The following PDE4B variants were observed in gnomAD, a reference collection of about 807,000 sequenced individuals.
PDE4B encodes 3',5'-cyclic-AMP phosphodiesterase 4B.
A neutral mutation model predicts 82.2 loss-of-function variants in PDE4B; 20 were observed. The ratio of observed to expected loss-of-function variants is 0.24; its 90% CI spans 0.17 to 0.35. PDE4B has a LOEUF of 0.35. PDE4B is among the 10% of genes least tolerant of loss of function. The pLI, the probability that PDE4B is intolerant of heterozygous loss-of-function variation, is 1.00. For synonymous variants in PDE4B, 320 were observed against 318.9 expected, an observed-to-expected ratio of 1.00 and a Z score of -0.04; for missense variants, 655 against 907.2, an observed-to-expected ratio of 0.72 and a Z score of 3.57.
chr1:66,230,165 C>G (rs964985922), intron 3 of PDE4B, among the ~76,000 whole-genome samples: 1 of 152,146 alleles, frequency 6.6e-6, no homozygotes, highest in African/African-American at 2.4e-5. Context: ...TAGGCTCTTG[C>G]TCACATATGG....
intron 1 of PDE4B, among the ~76,000 whole-genome samples, chr1:65,854,916 A>G (rs961195532): frequency 1.3e-5 from 2 of 151,218 alleles, no homozygotes; most frequent in African/African-American, 2.4e-5. Context: ...CTCCATTTGG[A>G]TATTCTTTTT....
chr1:66,269,108 A>G (rs1412310060), intron 7 of PDE4B, among the ~76,000 whole-genome samples: 3 of 152,374 alleles, frequency 2.0e-5, no homozygotes, highest in South Asian at 2.1e-4. Flanking sequence ...CAATATTTTT[A>G]TCTCTATTGC....
chr1:66,265,746 C>G (rs968278460), intron 6 of PDE4B, among the ~76,000 whole-genome samples: 2 of 152,138 alleles, frequency 1.3e-5, no homozygotes, highest in Non-Finnish European at 2.9e-5. Flanking sequence ...CTTCTTGGAA[C>G]AGCAAAACTT....
intron 7 of PDE4B, chr1:66,331,843 A>G (rs907339430): frequency 1.0e-6 from 1 of 985,282 alleles, no homozygotes; most frequent in Non-Finnish European, 1.2e-6. Context: ...CTTATCAGGG[A>G]GACCTCATTT....
At chr1:66,242,813 C>G (rs926598585) in intron 3 of PDE4B, among the ~76,000 whole-genome samples, 7 of 152,206 alleles carry the variant, frequency 4.6e-5, no homozygotes, top group African/African-American at 1.7e-4. Context: ...GCAGCCCCAC[C>G]TGCTGGGCTT....
chr1:65,873,158 G>A (rs183916452), intron 1 of PDE4B, among the ~76,000 whole-genome samples: 274 of 152,182 alleles, frequency 1.8e-3, no homozygotes, highest in African/African-American at 6.2e-3. Flanking sequence ...TAAGTAAAGC[G>A]TACTGACAAT....
chr1:66,288,028 A>G (rs956493754), intron 7 of PDE4B, among the ~76,000 whole-genome samples: 32 of 152,100 alleles, frequency 2.1e-4, no homozygotes, highest in Admixed American at 6.6e-4. Flanking sequence ...CCGTAAAGAA[A>G]TACCAAAGGT....
chr1:66,170,472 G>A (rs1570391209), intron 3 of PDE4B, among the ~76,000 whole-genome samples: 1 of 152,144 alleles, frequency 6.6e-6, no homozygotes, highest in Admixed American at 6.5e-5. Context: ...GCTACCATCT[G>A]TGAATGATAT....
chr1:66,062,635 A>T (rs1251560366), intron 3 of PDE4B, among the ~76,000 whole-genome samples: 1 of 152,086 alleles, frequency 6.6e-6, no homozygotes, highest in Non-Finnish European at 1.5e-5. Flanking sequence ...AGGATTGAAA[A>T]TTGTTGTAAG....
At chr1:66,185,646 G>C (rs936427579) in intron 3 of PDE4B, among the ~76,000 whole-genome samples, 2 of 152,208 alleles carry the variant, frequency 1.3e-5, no homozygotes, top group Non-Finnish European at 2.9e-5. Context: ...CTTCTTTTGA[G>C]AAGTGTCTGT....
At chr1:65,816,225 G>GTC (rs370697459) in intron 1 of PDE4B, among the ~76,000 whole-genome samples, 1 of 61,780 alleles carries the variant, frequency 1.6e-5, no homozygotes, top group Non-Finnish European at 4.8e-5. Context: ...GTGTGTGTGT[G>GTC]TATGAGAGAG....
chr1:65,816,229 G>T (rs1645883013), intron 1 of PDE4B, among the ~76,000 whole-genome samples: 1 of 35,804 alleles, frequency 2.8e-5, no homozygotes, highest in African/African-American at 6.4e-5. Context: ...GTGTGTGTAT[G>T]AGAGAGAGAG....
intron 3 of PDE4B, among the ~76,000 whole-genome samples, chr1:66,096,333 T>A (rs892846669): frequency 6.6e-6 from 1 of 151,238 alleles, no homozygotes; most frequent in Non-Finnish European, 1.5e-5. Context: ...TTACATGCAA[T>A]AAACAGTATC....
At chr1:65,906,040 G>A (rs181648041) in intron 1 of PDE4B, among the ~76,000 whole-genome samples, 17 of 152,140 alleles carry the variant, frequency 1.1e-4, no homozygotes, top group Non-Finnish European at 2.1e-4. Flanking sequence ...ATGGAAATGG[G>A]GGTTTTGGAT....
At chr1:66,180,862 A>T (rs1401064090) in intron 3 of PDE4B, among the ~76,000 whole-genome samples, 1 of 152,210 alleles carries the variant, frequency 6.6e-6, no homozygotes, top group Non-Finnish European at 1.5e-5. Flanking sequence ...TGTGTCCACT[A>T]TCTAGCACTG....
chr1:66,368,183 G>A (rs1197236430), intron 15 of PDE4B, 118 bp downstream of exon 15: 1 of 926,878 alleles, frequency 1.1e-6, no homozygotes, highest in Non-Finnish European at 1.6e-6. Context: ...TACTCCTATA[G>A]CTTAGGGCTT....
At chr1:65,844,326 A>T (rs1646244116) in intron 1 of PDE4B, among the ~76,000 whole-genome samples, 1 of 152,348 alleles carries the variant, frequency 6.6e-6, no homozygotes, top group East Asian at 1.9e-4. Flanking sequence ...TAGGCAGTCC[A>T]AACACAAATA....
chr1:66,315,818 T>G (rs984115212), intron 7 of PDE4B, among the ~76,000 whole-genome samples: 1 of 151,936 alleles, frequency 6.6e-6, no homozygotes, highest in Non-Finnish European at 1.5e-5. Flanking sequence ...TGAAGGTGAG[T>G]CATTCCCTCT....
chr1:66,114,045 C>G (rs1256653447), intron 3 of PDE4B, among the ~76,000 whole-genome samples: 1 of 152,098 alleles, frequency 6.6e-6, no homozygotes, highest in African/African-American at 2.4e-5. Flanking sequence ...AGGGGTGAGG[C>G]CTTTGGGAAG....
Sources: gnomAD v4.1 joint callset for allele counts (sites outside exome capture counted in the v4.1 genomes callset) on GRCh38, gnomAD v4.1.1 for gene constraint, MANE v1.5 for transcripts, NCBI Gene and HGNC (gene_info 2026-07-23, HGNC 2026-07-21) for gene names.